CP: variants seen among roughly 807,000 people sequenced by gnomAD.
The protein encoded by CP is caeruloplasmin.
CP carries 64 observed loss-of-function variants against 122.4 expected under a neutral mutation model. That is an observed-to-expected ratio of 0.52 (90% CI 0.43 to 0.64). CP has a LOEUF of 0.64. CP is among the 30% of genes least tolerant of loss of function. The pLI, the probability that CP is intolerant of heterozygous loss-of-function variation, is 0.00. For synonymous variants in CP, 440 were observed against 436.4 expected (o/e 1.01, Z -0.10); for missense variants, 1,167 against 1,284.4 (o/e 0.91, Z 1.40).
At chr3:149,175,040 G>A (rs900174225) in intron 18 of CP, among the ~76,000 whole-genome samples, 3 of 151,866 alleles carry the variant, frequency 2.0e-5, no homozygotes, top group Non-Finnish European at 2.9e-5. Flanking sequence ...GTGTGTGTAG[G>A]GTTACCCTGT....
intron 5 of CP, among the ~76,000 whole-genome samples, chr3:149,164,102 A>T (rs552382894): frequency 1.3e-5 from 2 of 152,226 alleles, no homozygotes; most frequent in East Asian, 3.9e-4. Context: ...ACTTGGAGGG[A>T]ATGCCTGCCT....
chr3:149,221,528 A>C (rs1172180437), intron 1 of CP, 119 bp downstream of exon 1: 1 of 882,572 alleles, frequency 1.1e-6, no homozygotes, highest in African/African-American at 1.7e-5. Context: ...CTTGGGTTTC[A>C]AGCCCACATT....
chr3:149,220,868 A>G (rs928173175), intron 1 of CP, among the ~76,000 whole-genome samples: 14 of 152,312 alleles, frequency 9.2e-5, no homozygotes, highest in African/African-American at 3.4e-4. Flanking sequence ...ACATCATTAA[A>G]AGTGAAGACC....
At chr3:149,171,846 A>G (rs879327436), downstream of CP, among the ~76,000 whole-genome samples, 8 of 151,982 alleles carry the variant, frequency 5.3e-5, no homozygotes, top group Non-Finnish European at 1.2e-4. Context: ...CTAGGATTAC[A>G]GGTGTGCGCC....
chr3:149,196,865 C>T (rs956437800), intron 9 of CP, among the ~76,000 whole-genome samples: 1 of 152,222 alleles, frequency 6.6e-6, no homozygotes, highest in East Asian at 1.9e-4. Context: ...TGCACGTATA[C>T]GCCCAGATGG....
At chr3:149,211,633 C>T (rs1362101528) in intron 2 of CP, among the ~76,000 whole-genome samples, 4 of 152,216 alleles carry the variant, frequency 2.6e-5, no homozygotes, top group Non-Finnish European at 5.9e-5. Flanking sequence ...GTCATCCAGG[C>T]ATATGTACCA....
At position 149,185,358 on chromosome 3, in the gene CP, A is replaced by G; in HGVS notation, c.2166T>C (p.Ser722=). The G allele has an allele frequency of 1.2e-6, 2 of 1,614,144 alleles. No individual in the cohort carries two copies. Among genetic ancestry groups the G allele is most frequent in the Non-Finnish European group, 1.7e-6 (2 of 1,180,014 alleles). ...CTCCCAGGTAGAAGGTGGAATCCTC[A>G]GACTGCCGCCTGCATTGGTTCACAG... ...KYTVNQCRRQ[S]EDSTFYLGER... Residue 722 remains serine, a synonymous_variant, in exon 12 of 19, where the codon TCT becomes TCC. Transcript: ENST00000264613.
rs2108173648 is a variant in CP, at chr3:149,163,947, C to T, written c.*14-1072G>A. 2 of 1,425,574 alleles carry T rather than the reference C, an allele frequency of 1.4e-6. No individual in the cohort carries two copies. The highest frequency in any genetic ancestry group is 9.9e-7 in the Non-Finnish European group (1 of 1,008,500). 88.3% of individuals were successfully genotyped at this position (1,425,574 alleles called of 1,614,324 possible). A position where few individuals can be genotyped will look rare whatever the true frequency, so the allele number is the denominator to read the frequency against. ...TTATACAGAAGATCTTTCAAAATTA[C>T]AGGTAAGTAAAAATACCTCCTTTTC... is the stretch of plus-strand genomic sequence containing the variant. On this transcript the variant is annotated intron_variant, in intron 5 of 5. Transcript: ENST00000479771.
At chr3:149,162,847 A>G (rs1206651876) in exon 6 of CP, 2 of 1,613,882 alleles carry the variant, frequency 1.2e-6, no homozygotes, top group Non-Finnish European at 1.7e-6. Flanking sequence ...CAGCCTCCTG[A>G]CACCACACCA....
chr3:149,181,991 G>GC lies in CP; in HGVS notation c.2554+13dup. ...GTTAAAATGCACCACCCCCACCCCC[G>GC]CCCCCGTGAGTACCTGGTAATGTTG... On this transcript the variant is annotated intron_variant, in intron 14 of 18. Coordinates refer to ENST00000264613, the MANE Select transcript of CP (RefSeq NM_000096.4). 1 of 1,157,008 alleles carries GC rather than the reference G, an allele frequency of 8.6e-7. No homozygotes were observed. Among genetic ancestry groups the GC allele is most frequent in the East Asian group, 3.0e-5 (1 of 32,868 alleles). 71.7% of individuals were successfully genotyped at this position (1,157,008 alleles called of 1,614,324 possible). A position where few individuals can be genotyped will look rare whatever the true frequency, so the allele number is the denominator to read the frequency against.
At chr3:149,187,096 T>C (rs763908421) in intron 10 of CP, among the ~76,000 whole-genome samples, 36 of 152,178 alleles carry the variant, frequency 2.4e-4, no homozygotes, top group Non-Finnish European at 3.5e-4. Context: ...CTGTGCACCA[T>C]ATACTGGGAG....
At chr3:149,179,183 T>C (rs953515117) in intron 15 of CP, among the ~76,000 whole-genome samples, 2 of 152,160 alleles carry the variant, frequency 1.3e-5, no homozygotes, top group Non-Finnish European at 2.9e-5. Context: ...TTGCCTCACG[T>C]ATTACAACGG....
chr3:149,172,224 G>A (rs776380448), downstream of CP: 2 of 1,601,950 alleles, frequency 1.2e-6, no homozygotes, highest in Non-Finnish European at 1.7e-6. Flanking sequence ...TTGACTTAAA[G>A]GTATCATTTG....
At chr3:149,197,926 C>T (rs548574161) in intron 9 of CP, among the ~76,000 whole-genome samples, 1 of 152,138 alleles carries the variant, frequency 6.6e-6, no homozygotes, top group Non-Finnish European at 1.5e-5. Context: ...CTGTGTGGCC[C>T]ATGGGGGTGT....
chr3:149,216,525 T>C (rs1399677820), intron 1 of CP, among the ~76,000 whole-genome samples: 1 of 152,178 alleles, frequency 6.6e-6, no homozygotes, highest in Non-Finnish European at 1.5e-5. Flanking sequence ...GAGTGATGTC[T>C]CATCCTGTTC....
intron 3 of CP, among the ~76,000 whole-genome samples, chr3:149,209,905 G>A (rs1448504572): frequency 6.6e-6 from 1 of 152,164 alleles, no homozygotes; most frequent in Non-Finnish European, 1.5e-5. Flanking sequence ...ACTGTTGGAA[G>A]TTAGATACAG....
In CP at chr3:149,206,337, C is replaced by T. The variant is rs761317252; in HGVS notation, c.1039G>A (p.Gly347Ser). 12 of 1,613,684 alleles carry T rather than the reference C, an allele frequency of 7.4e-6. No individual in the cohort carries two copies. Among genetic ancestry groups the T allele is most frequent in the East Asian group, 4.5e-5 (2 of 44,854 alleles). Residue 347 changes from glycine to serine, a missense_variant and splice_region_variant, in exon 6 of 19, where the codon GGT becomes AGT. By Grantham distance (56) the Gly-to-Ser change is moderately conservative. This residue lies in a region of CP where 642 missense variants were observed against 627.3 expected (regional missense o/e 1.02). Coordinates refer to ENST00000264613, the MANE Select transcript of CP (RefSeq NM_000096.4). ...TGGACCTGGAAAAAGGCTTGCAAACCGGCTGAAATGAAACAGAAAGAGGCA... is the reference window on the plus strand; with the variant it reads ...TGGACCTGGAAAAAGGCTTGCAAACTGGCTGAAATGAAACAGAAAGAGGCA... ...SCQNLNHLKA[G>S]LQAFFQVQEC...
chr3:149,165,853 G>T (rs753967336), intron 5 of CP: 8 of 368,310 alleles, frequency 2.2e-5, no homozygotes, highest in Non-Finnish European at 3.2e-5. Context: ...TTGAGTGAGA[G>T]ATTATCAACC....
intron 12 of CP, 181 bp downstream of exon 12, chr3:149,185,058 T>G: frequency 1.6e-6 from 1 of 634,776 alleles, no homozygotes; most frequent in East Asian, 2.6e-5. Flanking sequence ...TTAAGGAAAT[T>G]GAGAGAAGCG....
Sources: gnomAD v4.1 joint callset for allele counts (sites outside exome capture counted in the v4.1 genomes callset) on GRCh38, gnomAD v4.1.1 for gene constraint, gnomAD v4.1.1 regional missense constraint, MANE v1.5 for transcripts, NCBI Gene and HGNC (gene_info 2026-07-23, HGNC 2026-07-21) for gene names.